The following SMC5 variants were observed in gnomAD, a reference collection of about 807,000 sequenced individuals.
The protein encoded by SMC5 is structural maintenance of chromosomes protein 5.
A neutral mutation model predicts 148.3 loss-of-function variants in SMC5; 88 were observed. The ratio of observed to expected loss-of-function variants is 0.59; its 90% confidence interval spans 0.50 to 0.71. The LOEUF (loss-of-function observed/expected upper bound fraction) is 0.71. Ranked by LOEUF, SMC5 falls within the 30% of genes least tolerant of loss-of-function variation. The probability of loss-of-function intolerance (pLI) is 0.00; values close to 1 mark genes in which losing one functional copy is unlikely to be tolerated. For synonymous variants in SMC5, 421 were observed against 432.8 expected, an observed-to-expected ratio of 0.97 and a Z score of 0.34; for missense variants, 1,142 against 1,298.9, an observed-to-expected ratio of 0.88 and a Z score of 1.86.
chr9:70,302,873 CA>C (rs1266815131), intron 10 of SMC5, among the ~76,000 whole-genome samples: 5 of 152,052 alleles, frequency 3.3e-5, no homozygotes, highest in Non-Finnish European at 5.9e-5. Flanking sequence ...ATTGAATTGC[CA>C]TGTAAACCAG....
chr9:70,274,283 G>A (rs1049262208), intron 3 of SMC5, among the ~76,000 whole-genome samples: 2 of 151,986 alleles, frequency 1.3e-5, no homozygotes, highest in African/African-American at 2.4e-5. Flanking sequence ...GGGTTTCACC[G>A]TGTTAGCCAG....
chr9:70,285,206 A>G (rs2118223112), intron 7 of SMC5, among the ~76,000 whole-genome samples: 1 of 152,282 alleles, frequency 6.6e-6, no homozygotes, highest in Admixed American at 6.5e-5. Flanking sequence ...AGGAGGGCTC[A>G]CAGCTAAGAT....
At chr9:70,266,040 GTA>G (rs1168666306) in intron 2 of SMC5, among the ~76,000 whole-genome samples, 2 of 151,848 alleles carry the variant, frequency 1.3e-5, no homozygotes, top group Non-Finnish European at 2.9e-5. Flanking sequence ...CAACTGGAGA[GTA>G]TGCATTCTTT....
intron 11 of SMC5, among the ~76,000 whole-genome samples, chr9:70,314,002 C>A (rs1318784166): frequency 6.6e-6 from 1 of 152,196 alleles, no homozygotes; most frequent in African/African-American, 2.4e-5. Flanking sequence ...TAGCCTTCCA[C>A]TTGTTGCTTT....
At chr9:70,259,542 G>A (rs2034032026) in intron 1 of SMC5, among the ~76,000 whole-genome samples, 1 of 152,218 alleles carries the variant, frequency 6.6e-6, no homozygotes, top group Non-Finnish European at 1.5e-5. Flanking sequence ...GTAGGAGGGA[G>A]TAGGTCTCTG....
At chr9:70,261,417 T>C (rs1479876185) in intron 1 of SMC5, among the ~76,000 whole-genome samples, 1 of 152,198 alleles carries the variant, frequency 6.6e-6, no homozygotes, top group African/African-American at 2.4e-5. Flanking sequence ...AGAATAGTTG[T>C]GAGGCATGGG....
intron 17 of SMC5, among the ~76,000 whole-genome samples, chr9:70,342,329 T>C (rs1044037199): frequency 6.6e-6 from 1 of 151,502 alleles, no homozygotes; most frequent in Non-Finnish European, 1.5e-5. Context: ...GCATGGCACA[T>C]GTATACATAT....
At chr9:70,292,361 T>A (rs2035086295) in intron 8 of SMC5, among the ~76,000 whole-genome samples, 1 of 152,206 alleles carries the variant, frequency 6.6e-6, no homozygotes, top group Non-Finnish European at 1.5e-5. Context: ...ATTATGTAGT[T>A]TTAGCAACAA....
chr9:70,293,176 C>T (rs1246965129), intron 8 of SMC5, among the ~76,000 whole-genome samples: 3 of 152,088 alleles, frequency 2.0e-5, no homozygotes, highest in Non-Finnish European at 4.4e-5. Context: ...TCCTTAATAG[C>T]TATTAGACTA....
chr9:70,260,774 G>T (rs1461977762), intron 1 of SMC5, among the ~76,000 whole-genome samples: 2 of 152,160 alleles, frequency 1.3e-5, no homozygotes, highest in East Asian at 3.8e-4. Context: ...CTTTGGTCTT[G>T]CTCTGTTGCC....
intron 17 of SMC5, among the ~76,000 whole-genome samples, chr9:70,334,517 T>G (rs1331520101): frequency 6.6e-6 from 1 of 152,232 alleles, no homozygotes; most frequent in Non-Finnish European, 1.5e-5. Flanking sequence ...GACTTGTATC[T>G]AGACCAAGAG....
rs373175353 is a variant in SMC5, at chr9:70,290,259, T to C, written c.1053+3988T>C. On this transcript the variant is annotated intron_variant, in intron 8 of 24. Coordinates refer to ENST00000361138, the MANE Select transcript of SMC5 (RefSeq NM_015110.4). ...GAGTTCTCTTTTGACTAAAGTTTCATCCTTTTACTTTAAGCCTATTTGTGT... is the reference window on the plus strand; with the variant it reads ...GAGTTCTCTTTTGACTAAAGTTTCACCCTTTTACTTTAAGCCTATTTGTGT... 7.9e-5 allele frequency among the ~76,000 whole-genome samples: 12 copies of C among 152,336 alleles called. No individual in the cohort carries two copies. In the East Asian group the frequency reaches 2.3e-3, roughly 29 times the overall value.
intron 11 of SMC5, among the ~76,000 whole-genome samples, chr9:70,306,590 A>G (rs2035505876): frequency 6.6e-6 from 1 of 152,240 alleles, no homozygotes; most frequent in Admixed American, 6.5e-5. Context: ...GACATGATAC[A>G]TTGTAAAGGG....
At position 70,292,855 on chromosome 9, in the gene SMC5, C is replaced by T. The variant is rs1366816930; in HGVS notation, c.1054-5111C>T. Among the ~76,000 whole-genome samples, 5 of 152,224 alleles carry T rather than the reference C, an allele frequency of 3.3e-5. No homozygotes were observed. In the East Asian group the frequency reaches 9.7e-4, roughly 29 times the overall value. On this transcript the variant is annotated intron_variant, in intron 8 of 24. Coordinates refer to ENST00000361138, the MANE Select transcript of SMC5 (RefSeq NM_015110.4). ...TTTTGCATCCGTCAAATAAACCCCA[C>T]TTGGTTGTGGTGTATAAGTGTATAA...
At chr9:70,350,521 G>A in intron 24 of SMC5, 50 bp downstream of exon 24, 1 of 1,290,144 alleles carries the variant, frequency 7.8e-7, no homozygotes, top group East Asian at 2.4e-5. Context: ...AATCTCCTGT[G>A]ACATAATCAT....
At chr9:70,296,365 C>T (rs922697625) in intron 8 of SMC5, among the ~76,000 whole-genome samples, 7 of 151,896 alleles carry the variant, frequency 4.6e-5, no homozygotes, top group African/African-American at 1.7e-4. Flanking sequence ...AATTTGAGAC[C>T]AGCCTGGCCA....
intron 16 of SMC5, 48 bp from the exon 17 acceptor site, chr9:70,323,972 TA>T: frequency 6.9e-7 from 1 of 1,444,898 alleles, no homozygotes; most frequent in South Asian, 1.5e-5. Flanking sequence ...TTTTTAGTTC[TA>T]AAACATAGGT....
At chr9:70,308,311 A>G (rs993625808) in intron 11 of SMC5, among the ~76,000 whole-genome samples, 8 of 152,112 alleles carry the variant, frequency 5.3e-5, no homozygotes, top group African/African-American at 1.9e-4. Context: ...TAGTTTAAGA[A>G]TTACTAATCT....
At chr9:70,311,683 C>T (rs1188678856) in intron 11 of SMC5, 1 of 149,874 alleles carries the variant, frequency 6.7e-6, no homozygotes, top group Non-Finnish European at 1.5e-5. Flanking sequence ...TCTGATTACC[C>T]ACTACCATTT....
Sources: allele counts gnomAD v4.1 joint callset (sites outside exome capture counted in the v4.1 genomes callset), GRCh38; gene constraint gnomAD v4.1.1; transcripts MANE v1.5; gene names NCBI Gene and HGNC (gene_info 2026-07-23, HGNC 2026-07-21).